Variants in PTPRD observed in about 807,000 individuals in gnomAD.
PTPRD encodes the protein protein tyrosine phosphatase receptor type D, also known as receptor-type tyrosine-protein phosphatase delta.
In PTPRD, 34 loss-of-function variants were observed where a neutral mutation model predicts 214.5. That is an observed-to-expected ratio of 0.16 (90% CI 0.12 to 0.21). The LOEUF is 0.21. Among genes scored for constraint, PTPRD ranks in the 10% least tolerant of loss-of-function variants. The probability of loss-of-function intolerance (pLI) is 1.00; values close to 1 mark genes in which losing one functional copy is unlikely to be tolerated. For synonymous variants in PTPRD, 1,128 were observed against 845.7 expected (o/e 1.33, Z -5.79); for missense variants, 2,545 against 2,398.7 (o/e 1.06, Z -1.27).
At chr9:9,562,694 G>A (rs567186121) in intron 8 of PTPRD, among the ~76,000 whole-genome samples, 3 of 151,968 alleles carry the variant, frequency 2.0e-5, no homozygotes, top group East Asian at 3.9e-4. Context: ...TTTAGTTCCT[G>A]AGCAAATTTG....
chr9:9,444,349 G>C (rs2089583276), intron 8 of PTPRD, among the ~76,000 whole-genome samples: 1 of 152,050 alleles, frequency 6.6e-6, no homozygotes, highest in Non-Finnish European at 1.5e-5. Context: ...TCTATTTTTT[G>C]TGAGTCTTTC....
chr9:8,372,021 C>G (rs79542859), intron 39 of PTPRD, among the ~76,000 whole-genome samples: 11,961 of 152,060 alleles, frequency 0.079, 596 homozygotes, highest in Middle Eastern at 0.17. Flanking sequence ...GTTCCTTTAA[C>G]AGCATCATTT....
chr9:9,469,438 T>C (rs76974097), intron 8 of PTPRD, among the ~76,000 whole-genome samples: 1,925 of 152,222 alleles, frequency 0.013, 37 homozygotes, highest in African/African-American at 0.044. Context: ...CCGATGTACT[T>C]GGGTTCCAGA....
intron 11 of PTPRD, among the ~76,000 whole-genome samples, chr9:8,849,035 G>C (rs796680976): frequency 3.3e-5 from 5 of 152,104 alleles, no homozygotes; most frequent in African/African-American, 1.2e-4. Context: ...GTAAATTTGA[G>C]AAAATTAATG....
chr9:10,012,180 G>A (rs980345584), intron 4 of PTPRD, among the ~76,000 whole-genome samples: 1 of 151,944 alleles, frequency 6.6e-6, no homozygotes, highest in Admixed American at 6.6e-5. Flanking sequence ...AACTTTGCAA[G>A]AATTTTGAAG....
intron 5 of PTPRD, among the ~76,000 whole-genome samples, chr9:9,928,757 TACAC>T (rs60820386): frequency 8.2e-5 from 12 of 147,112 alleles, no homozygotes; most frequent in Admixed American, 2.0e-4. Flanking sequence ...TCTCTCTCTA[TACAC>T]ACACACACAC....
intron 8 of PTPRD, among the ~76,000 whole-genome samples, chr9:9,553,133 T>G (rs970621829): frequency 6.6e-6 from 1 of 152,092 alleles, no homozygotes; most frequent in African/African-American, 2.4e-5. Context: ...GTTTGTAATG[T>G]AGCTTACTGC....
chr9:9,307,196 ATTGT>A (rs1342884194), intron 9 of PTPRD, among the ~76,000 whole-genome samples: 1 of 152,176 alleles, frequency 6.6e-6, no homozygotes, highest in Non-Finnish European at 1.5e-5. Context: ...TTAGCTGAAA[ATTGT>A]TTGGATGGAG....
intron 2 of PTPRD, among the ~76,000 whole-genome samples, chr9:10,442,233 TTTAA>T (rs1375814202): frequency 7.9e-5 from 12 of 151,672 alleles, no homozygotes; most frequent in Non-Finnish European, 1.8e-4. Flanking sequence ...TTAACCAATA[TTTAA>T]TTATTTCTTT....
At chr9:9,245,089 A>T (rs1356052134) in intron 9 of PTPRD, among the ~76,000 whole-genome samples, 1 of 152,230 alleles carries the variant, frequency 6.6e-6, no homozygotes, top group African/African-American at 2.4e-5. Context: ...ACAATGAGAT[A>T]TCGTCTCATA....
chr9:9,080,990 C>A (rs2099758203), intron 10 of PTPRD, among the ~76,000 whole-genome samples: 1 of 151,842 alleles, frequency 6.6e-6, no homozygotes, highest in Non-Finnish European at 1.5e-5. Flanking sequence ...ATGTCTCTAT[C>A]TCCTTCAGTT....
intron 5 of PTPRD, among the ~76,000 whole-genome samples, chr9:9,811,500 G>T (rs549554621): frequency 1.3e-5 from 2 of 152,230 alleles, no homozygotes; most frequent in African/African-American, 2.4e-5. Context: ...GAGGTCAGGA[G>T]ATCGAGACCA....
rs956693344 is a variant in PTPRD, at chr9:9,426,664, G to A, written c.-236-29182C>T. Among the ~76,000 whole-genome samples, 158 of 152,268 alleles carry A rather than the reference G, an allele frequency of 1.0e-3. 1 individual carries two copies. Among genetic ancestry groups the A allele is most frequent in the African/African-American group, 3.6e-3 (151 of 41,568 alleles). ...AACTGGAAGGCACCTCCCAGTAGGG[G>A]CCGACTGACACCTCATCTGGCTGGG... On this transcript the variant is annotated intron_variant, in intron 8 of 45. Transcript: ENST00000381196.
At chr9:10,335,366 G>T (rs1412912832) in intron 3 of PTPRD, among the ~76,000 whole-genome samples, 5 of 151,700 alleles carry the variant, frequency 3.3e-5, no homozygotes, top group Non-Finnish European at 7.4e-5. Flanking sequence ...ATGGTGCCTG[G>T]TACAAATAGA....
At chr9:9,372,081 T>A (rs904086838) in intron 9 of PTPRD, among the ~76,000 whole-genome samples, 1 of 152,186 alleles carries the variant, frequency 6.6e-6, no homozygotes, top group Non-Finnish European at 1.5e-5. Context: ...GAAAAGAATG[T>A]ATATTCTGTT....
intron 3 of PTPRD, among the ~76,000 whole-genome samples, chr9:10,199,084 T>C (rs887577862): frequency 6.6e-6 from 1 of 151,904 alleles, no homozygotes; most frequent in East Asian, 1.9e-4. Context: ...GGCTTTCAAA[T>C]CCTCTTTCAT....
intron 2 of PTPRD, among the ~76,000 whole-genome samples, chr9:10,509,581 T>TATATATATA (rs1566622187): frequency 0.01 from 607 of 58,924 alleles, 12 homozygotes; most frequent in African/African-American, 0.043. Context: ...ATATATATAT[T>TATATATATA]TTACTCACTT....
intron 44 of PTPRD, among the ~76,000 whole-genome samples, chr9:8,329,951 CTGTGGGAG>C (rs1406641774): frequency 3.6e-5 from 2 of 55,074 alleles, no homozygotes; most frequent in Non-Finnish European, 2.7e-5. Context: ...TTGCTGGGCT[CTGTGGGAG>C]TGGATCGTAT....
chr9:9,258,418 C>CGCT (rs1460224031), intron 9 of PTPRD, among the ~76,000 whole-genome samples: 1 of 149,054 alleles, frequency 6.7e-6, no homozygotes, highest in Non-Finnish European at 1.5e-5. Context: ...ATTCATTGCA[C>CGCT]GCTTCTATTA....
Sources: allele counts gnomAD v4.1 joint callset (sites outside exome capture counted in the v4.1 genomes callset), GRCh38; gene constraint gnomAD v4.1.1; transcripts MANE v1.5; gene names NCBI Gene and HGNC (gene_info 2026-07-23, HGNC 2026-07-21).